Variants in PEX13 observed in about 807,000 individuals in gnomAD.
PEX13 encodes the protein peroxisome biogenesis factor 13.
A neutral mutation model predicts 34.5 loss-of-function variants in PEX13; 28 were observed. The ratio of observed to expected loss-of-function variants is 0.81; its 90% CI spans 0.60 to 1.11. The LOEUF (loss-of-function observed/expected upper bound fraction) is 1.11. PEX13 is among the 50% of genes most tolerant of loss of function. The pLI is 0.00. For missense variants in PEX13, 550 were observed against 491.0 expected, an observed-to-expected ratio of 1.12 and a Z score of -1.13; for synonymous variants, 177 against 175.1, an observed-to-expected ratio of 1.01 and a Z score of -0.09.
intron 1 of PEX13, chr2:61,018,502 G>A: frequency 1.9e-6 from 1 of 517,094 alleles, no homozygotes; most frequent in Non-Finnish European, 3.2e-6. Context: ...ATCAGTATCA[G>A]TTGGTTTCTA....
intron 1 of PEX13, among the ~76,000 whole-genome samples, chr2:61,027,424 T>C (rs1262002106): frequency 6.6e-6 from 1 of 152,122 alleles, no homozygotes; most frequent in African/African-American, 2.4e-5. Context: ...GTCAGTTGTT[T>C]CATTTCCTGG....
At chr2:61,035,509 A>C (rs1439866956) in intron 2 of PEX13, among the ~76,000 whole-genome samples, 2 of 152,204 alleles carry the variant, frequency 1.3e-5, no homozygotes, top group African/African-American at 4.8e-5. Context: ...AAAGGTTGGT[A>C]ATAACAAACG....
At chr2:61,021,481 T>C (rs1291349782) in intron 1 of PEX13, among the ~76,000 whole-genome samples, 1 of 152,140 alleles carries the variant, frequency 6.6e-6, no homozygotes, top group Non-Finnish European at 1.5e-5. Flanking sequence ...GAATCCACCA[T>C]TGCTGAGGCT....
At chr2:61,021,077 C>T (rs1413151995) in intron 1 of PEX13, among the ~76,000 whole-genome samples, 8 of 152,300 alleles carry the variant, frequency 5.3e-5, no homozygotes, top group South Asian at 4.1e-4. Context: ...AGGAACAGCT[C>T]TGGTCTGCAG....
intron 1 of PEX13, among the ~76,000 whole-genome samples, chr2:61,020,157 C>T (rs1431072946): frequency 6.6e-6 from 1 of 152,110 alleles, no homozygotes; most frequent in Non-Finnish European, 1.5e-5. Flanking sequence ...ACCCACGAGG[C>T]GGAGCTTGCA....
intron 3 of PEX13, among the ~76,000 whole-genome samples, chr2:61,047,548 C>T (rs1412487067): frequency 1.3e-5 from 2 of 152,178 alleles, no homozygotes; most frequent in Admixed American, 1.3e-4. Context: ...ACAGGAACAA[C>T]ACAGATAATT....
intron 1 of PEX13, among the ~76,000 whole-genome samples, chr2:61,030,897 A>G (rs766921005): frequency 3.3e-5 from 5 of 152,194 alleles, no homozygotes; most frequent in East Asian, 1.9e-4. Context: ...CTGCTAATGA[A>G]TATGGGGTTT....
chr2:61,048,604 C>T lies in PEX13; in HGVS notation c.1046C>T (p.Ser349Phe), dbSNP rs1367527916. 1.2e-5 allele frequency: 19 copies of T among 1,614,092 alleles called. No individual in the cohort carries two copies. Among genetic ancestry groups the T allele is most frequent in the Non-Finnish European group, 1.5e-5 (18 of 1,180,020 alleles). The change falls in exon 4 of 4, where the codon TCC (serine) becomes TTC (phenylalanine). Residue 349 changes from serine to phenylalanine, a missense_variant. Coordinates refer to ENST00000295030, the MANE Select transcript of PEX13 (RefSeq NM_002618.4). Reference sequence around the variant, plus strand: ...AAAACGGTGGAATCAAGTAAAGTTTCCAAGCAGCAACAATCTTTTACCAAC... The same window carrying T: ...AAAACGGTGGAATCAAGTAAAGTTTTCAAGCAGCAACAATCTTTTACCAAC... ...GRKTVESSKV[S>F]KQQQSFTNPT...
intron 3 of PEX13, among the ~76,000 whole-genome samples, chr2:61,046,265 C>T (rs923252768): frequency 3.3e-5 from 5 of 152,154 alleles, no homozygotes; most frequent in Non-Finnish European, 7.4e-5. Context: ...GTGTTTACCT[C>T]AGAAATTTCA....
intron 2 of PEX13, among the ~76,000 whole-genome samples, chr2:61,032,465 AT>A (rs1294589153): frequency 6.6e-6 from 1 of 152,238 alleles, no homozygotes; most frequent in African/African-American, 2.4e-5. Context: ...AAATATAACA[AT>A]TGGGGAGAGA....
chr2:61,043,788 C>A (rs1407321244), intron 2 of PEX13, among the ~76,000 whole-genome samples: 1 of 152,040 alleles, frequency 6.6e-6, no homozygotes, highest in African/African-American at 2.4e-5. Context: ...CCCGACTTGC[C>A]CTACCGCATG....
intron 3 of PEX13, among the ~76,000 whole-genome samples, chr2:61,047,007 T>C (rs1049241950): frequency 1.3e-5 from 2 of 152,072 alleles, no homozygotes; most frequent in African/African-American, 4.8e-5. Flanking sequence ...AAGGATCACT[T>C]GAGGCCAGGA....
At chr2:61,043,235 G>A (rs998849738) in intron 2 of PEX13, among the ~76,000 whole-genome samples, 2 of 151,302 alleles carry the variant, frequency 1.3e-5, no homozygotes, top group African/African-American at 4.9e-5. Context: ...GGTGGCTCAT[G>A]CCTGTAATCC....
intron 1 of PEX13, among the ~76,000 whole-genome samples, chr2:61,028,718 G>A (rs977733841): frequency 6.6e-6 from 1 of 152,004 alleles, no homozygotes; most frequent in Non-Finnish European, 1.5e-5. Flanking sequence ...AAAAAACTGG[G>A]TTGACTCTTT....
At position 61,030,012 on chromosome 2, in the gene PEX13, A is replaced by G. The variant is rs185171264; in HGVS notation, c.93-1407A>G. On this transcript the variant is annotated intron_variant, in intron 1 of 3. Transcript: ENST00000295030. ...TTATATGCAAATGCTATACTATTTT[A>G]TATTAAGGACTTGAGCATTCATGGA... Among the ~76,000 whole-genome samples, 7 of 152,262 alleles carry G rather than the reference A, an allele frequency of 4.6e-5. No homozygotes were observed. The East Asian group carries it at 1.4e-3, about 29-fold the overall frequency.
chr2:61,017,888 G>A, intron 1 of PEX13, 37 bp downstream of exon 1: 2 of 1,536,168 alleles, frequency 1.3e-6, no homozygotes, highest in Non-Finnish European at 1.8e-6. Context: ...AGTTTAGTGG[G>A]CCCGAGCGGG....
At chr2:61,025,684 C>G (rs1321276687) in intron 1 of PEX13, among the ~76,000 whole-genome samples, 3 of 152,024 alleles carry the variant, frequency 2.0e-5, no homozygotes, top group Non-Finnish European at 2.9e-5. Flanking sequence ...TTAATGAGAG[C>G]TGCACATTGT....
chr2:61,044,494 C>A (rs1680674874), intron 2 of PEX13, among the ~76,000 whole-genome samples: 1 of 152,158 alleles, frequency 6.6e-6, no homozygotes, highest in Non-Finnish European at 1.5e-5. Flanking sequence ...CATGCAATTT[C>A]CCCTGTCTCA....
rs980218066 is a variant in PEX13, at chr2:61,049,865, A to G, written c.*1095A>G. The G allele has an allele frequency of 1.3e-5, 2 of 152,342 alleles. No individual in the cohort carries two copies. The highest frequency in any genetic ancestry group is 4.8e-5 in the African/African-American group (2 of 41,458). 9.4% of individuals were successfully genotyped at this position (152,342 alleles called of 1,614,324 possible). On this transcript the variant is annotated 3_prime_UTR_variant, in exon 4 of 4. Coordinates refer to ENST00000295030, the MANE Select transcript of PEX13 (RefSeq NM_002618.4). ...TATGAAAGGTATACTTTCTTTTCCT[A>G]CAACAAATACTTGAGTTCTTTTGAG...
Sources: allele counts gnomAD v4.1 joint callset (sites outside exome capture counted in the v4.1 genomes callset), GRCh38; gene constraint gnomAD v4.1.1; transcripts MANE v1.5; gene names NCBI Gene and HGNC (gene_info 2026-07-23, HGNC 2026-07-21).